CRISP2: variants seen among roughly 807,000 people sequenced by gnomAD.
CRISP2 encodes cysteine rich secretory protein 2.
In CRISP2, 29 loss-of-function variants were observed where a neutral mutation model predicts 31.7. The observed-to-expected ratio is 0.92, with a 90% CI of 0.68 to 1.25. The LOEUF (loss-of-function observed/expected upper bound fraction) is 1.25. Among genes scored for constraint, CRISP2 ranks in the 50% most tolerant of loss-of-function variants. The pLI is 0.00. For missense variants in CRISP2, 318 were observed against 286.5 expected, an observed-to-expected ratio of 1.11 and a Z score of -0.79; for synonymous variants, 111 against 101.4, an observed-to-expected ratio of 1.09 and a Z score of -0.57.
At chr6:49,709,449 T>A (rs1767627911) in intron 3 of CRISP2, among the ~76,000 whole-genome samples, 1 of 152,168 alleles carries the variant, frequency 6.6e-6, no homozygotes, top group Non-Finnish European at 1.5e-5. Flanking sequence ...GAGGTACATC[T>A]ATAAAAGAGA....
chr6:49,708,341 C>T (rs781762807), intron 4 of CRISP2, among the ~76,000 whole-genome samples: 15 of 152,234 alleles, frequency 9.9e-5, no homozygotes, highest in Admixed American at 2.0e-4. Context: ...AAAGACATGT[C>T]CATATCCTAA....
chr6:49,697,289 C>T (rs1476093994), intron 8 of CRISP2, among the ~76,000 whole-genome samples: 1 of 152,076 alleles, frequency 6.6e-6, no homozygotes, highest in Non-Finnish European at 1.5e-5. Context: ...TTTCTGTGAA[C>T]AATTCTGAGA....
the CRISP2 span, among the ~76,000 whole-genome samples, chr6:49,684,921 C>T: frequency 9.5e-4 from 144 of 152,290 alleles, 1 homozygote; most frequent in East Asian, 0.02. Flanking sequence ...TGCATGCATA[C>T]TAACAGAACT....
the CRISP2 span, among the ~76,000 whole-genome samples, chr6:49,679,204 C>T: frequency 2.6e-5 from 4 of 152,040 alleles, no homozygotes; most frequent in Admixed American, 2.0e-4. Flanking sequence ...AAGTCTTTGT[C>T]ATATGAGATA....
At chr6:49,690,773 A>T (rs1028532067), downstream of CRISP2, among the ~76,000 whole-genome samples, 1 of 152,086 alleles carries the variant, frequency 6.6e-6, no homozygotes, top group Non-Finnish European at 1.5e-5. Flanking sequence ...TTAAATAACT[A>T]TACAGTATCT....
intron 8 of CRISP2, chr6:49,697,607 T>G (rs1764983874): frequency 1.1e-6 from 1 of 869,618 alleles, no homozygotes; most frequent in East Asian, 4.3e-5. Context: ...AACCCTAAGC[T>G]GAGGGAAGGC....
rs1425804926 is a variant in CRISP2 at position 49,697,925 on chromosome 6, A to T, written c.450T>A (p.Cys150Ter). The stretch of plus-strand genomic sequence containing the variant: ...CTTGATTGGGACAGTAGGCAATTCC[A>T]CAGCCTACCTGGTAAGTCGAGTACC... ...LVWYSTYQVG[C>*]GIAYCPNQDS... is the part of the protein sequence containing the mutation. The change falls in exon 8 of 10, where the codon TGT becomes TGA. Residue 150 changes from cysteine to a stop codon, truncating the protein, a stop_gained. Transcript: ENST00000339139. LOFTEE classifies it high-confidence loss of function. 6.2e-7 allele frequency: 1 copy of T among 1,609,792 alleles called. No individual in the cohort carries two copies. Among genetic ancestry groups the T allele is most frequent in the Non-Finnish European group, 8.5e-7 (1 of 1,178,086 alleles).
intron 8 of CRISP2, 59 bp downstream of exon 8, chr6:49,697,801 T>C (rs1765023162): frequency 6.2e-7 from 1 of 1,604,580 alleles, no homozygotes. Flanking sequence ...ATATGAGAAT[T>C]ATTAAAAAAT....
intron 8 of CRISP2, 38 bp downstream of exon 8, chr6:49,697,822 T>C: frequency 6.2e-7 from 1 of 1,603,958 alleles, no homozygotes; most frequent in Non-Finnish European, 8.5e-7. Context: ...AAATTGCAGA[T>C]AGAATTATTG....
intron 4 of CRISP2, among the ~76,000 whole-genome samples, chr6:49,706,189 A>C (rs1194222887): frequency 6.6e-6 from 1 of 152,232 alleles, no homozygotes; most frequent in Non-Finnish European, 1.5e-5. Flanking sequence ...GCTGCAAGGT[A>C]GGGTAAAGCT....
chr6:49,711,432 G>A (rs1018504420), intron 2 of CRISP2, 111 bp from the exon 3 acceptor site: 3 of 152,184 alleles, frequency 2.0e-5, no homozygotes, highest in African/African-American at 7.2e-5. Context: ...AAGTTCTGAA[G>A]TAGTATTTTT....
chr6:49,686,784 C>T, the CRISP2 span, among the ~76,000 whole-genome samples: 6 of 152,124 alleles, frequency 3.9e-5, no homozygotes, highest in East Asian at 7.7e-4. Flanking sequence ...TTCACAATAG[C>T]AAAGTCTTGG....
At chr6:49,687,753 T>G (rs902471699), downstream of CRISP2, among the ~76,000 whole-genome samples, 4 of 152,172 alleles carry the variant, frequency 2.6e-5, no homozygotes, top group Non-Finnish European at 4.4e-5. Context: ...CCTTTAAGTT[T>G]CACGATCACA....
the CRISP2 span, among the ~76,000 whole-genome samples, chr6:49,685,758 C>T: frequency 6.6e-6 from 1 of 152,028 alleles, no homozygotes; most frequent in African/African-American, 2.4e-5. Flanking sequence ...CTGTTTTTTC[C>T]CCCACTTTTT....
chr6:49,683,366 A>G, the CRISP2 span, among the ~76,000 whole-genome samples: 4 of 151,544 alleles, frequency 2.6e-5, no homozygotes, highest in African/African-American at 9.7e-5. Context: ...CATTTTTATA[A>G]TTATGGGTTT....
intron 3 of CRISP2, among the ~76,000 whole-genome samples, chr6:49,709,504 C>A (rs753455381): frequency 1.3e-5 from 2 of 152,146 alleles, no homozygotes; most frequent in African/African-American, 4.8e-5. Flanking sequence ...ACCCTTACGC[C>A]ATCAAAAAGA....
intron 4 of CRISP2, among the ~76,000 whole-genome samples, chr6:49,701,326 C>T (rs1018423981): frequency 3.3e-5 from 5 of 151,702 alleles, no homozygotes; most frequent in South Asian, 2.1e-4. Flanking sequence ...ATTCTTATGC[C>T]TGTGCATCCT....
intron 4 of CRISP2, among the ~76,000 whole-genome samples, chr6:49,706,457 C>A (rs184878234): frequency 6.6e-6 from 1 of 152,156 alleles, no homozygotes; most frequent in East Asian, 1.9e-4. Context: ...CTTTTAGTAA[C>A]AGAAACATAA....
intron 3 of CRISP2, 67 bp downstream of exon 3, chr6:49,711,218 C>T (rs945893804): frequency 6.6e-6 from 1 of 151,954 alleles, no homozygotes; most frequent in African/African-American, 2.4e-5. Flanking sequence ...ATCATTTTAC[C>T]CTTGACAACA....
Sources: gnomAD v4.1 joint callset for allele counts (sites outside exome capture counted in the v4.1 genomes callset) on GRCh38, gnomAD v4.1.1 for gene constraint, MANE v1.5 for transcripts, NCBI Gene and HGNC (gene_info 2026-07-23, HGNC 2026-07-21) for gene names.